The following KANSL1L variants were observed in gnomAD, a reference collection of about 807,000 sequenced individuals.
The protein encoded by KANSL1L is KAT8 regulatory NSL complex subunit 1 like, also known as KAT8 regulatory NSL complex subunit 1-like protein.
In KANSL1L, 25 loss-of-function variants were observed where a neutral mutation model predicts 108.6. The ratio of observed to expected loss-of-function variants is 0.23; its 90% CI spans 0.17 to 0.32. The LOEUF (loss-of-function observed/expected upper bound fraction) is 0.32, where lower values mean the gene tolerates loss of function less well. Among genes scored for constraint, KANSL1L ranks in the 10% least tolerant of loss-of-function variants. KANSL1L has a pLI of 1.00. For missense variants in KANSL1L, 1,137 were observed against 1,125.7 expected (o/e 1.01, Z -0.14); for synonymous variants, 405 against 395.1 (o/e 1.03, Z -0.30).
chr2:210,107,535 T>TATA (rs144902334), intron 3 of KANSL1L, among the ~76,000 whole-genome samples: 2 of 106,390 alleles, frequency 1.9e-5, no homozygotes, highest in African/African-American at 7.4e-5. Flanking sequence ...TATATATATA[T>TATA]TTTTTTTTTT....
intron 2 of KANSL1L, among the ~76,000 whole-genome samples, chr2:210,136,938 G>A (rs796610254): frequency 1.1e-4 from 17 of 152,248 alleles, no homozygotes; most frequent in African/African-American, 4.1e-4. Context: ...TTATTGTGAA[G>A]ATAGTGCCAG....
In KANSL1L at chr2:210,154,069, T is replaced by C; in HGVS notation, c.514A>G (p.Lys172Glu). ...AAAAGTGCATTCTCTTGATACCATT[T>C]ACAGTTTTGTAGTTGTACTTTATCT... is the stretch of plus-strand genomic sequence containing the variant. ...NVDKVQLQNC[K>E]WYQENALLDK... The change falls in exon 2 of 15, where the codon AAA (lysine) becomes GAA (glutamate). Residue 172 changes from lysine (K) to glutamate (E), a missense_variant. This residue lies in a region of KANSL1L where 556 missense variants were observed against 537.7 expected (regional missense o/e 1.03). Coordinates refer to ENST00000281772, the MANE Select transcript of KANSL1L (RefSeq NM_152519.4). The C allele has an allele frequency of 1.9e-6, 3 of 1,613,448 alleles. No individual in the cohort carries two copies. The highest frequency in any genetic ancestry group is 2.5e-6 in the Non-Finnish European group (3 of 1,179,496).
chr2:210,122,524 A>C (rs2095031138), intron 3 of KANSL1L, among the ~76,000 whole-genome samples: 1 of 152,186 alleles, frequency 6.6e-6, no homozygotes, highest in East Asian at 1.9e-4. Flanking sequence ...ACAAAAATCA[A>C]ATCAAAATAT....
At chr2:210,143,772 T>C (rs558430950) in intron 2 of KANSL1L, among the ~76,000 whole-genome samples, 124 of 152,302 alleles carry the variant, frequency 8.1e-4, no homozygotes, top group African/African-American at 2.9e-3. Context: ...GCTTTTGATA[T>C]CACAATTTAC....
chr2:210,121,779 GT>G (rs1433564761), intron 3 of KANSL1L, among the ~76,000 whole-genome samples: 3 of 152,154 alleles, frequency 2.0e-5, no homozygotes, highest in Non-Finnish European at 4.4e-5. Flanking sequence ...ATATGATCTT[GT>G]TTGGAAAAAT....
At chr2:210,036,906 G>A (rs1379141602) in intron 8 of KANSL1L, among the ~76,000 whole-genome samples, 2 of 151,764 alleles carry the variant, frequency 1.3e-5, no homozygotes, top group African/African-American at 4.8e-5. Context: ...ACAGGTGCAC[G>A]CCACCATGCC....
intron 6 of KANSL1L, among the ~76,000 whole-genome samples, chr2:210,059,086 T>C (rs2539013): frequency 1 from 149,391 of 149,576 alleles, 74,603 homozygotes; most frequent in Non-Finnish European, 1. Flanking sequence ...TGCAGTGACC[T>C]GAGACCACGT....
chr2:210,079,706 A>ATATATATATATGTATGTGTGTGTG (rs2094574583), intron 5 of KANSL1L: 4 of 125,090 alleles, frequency 3.2e-5, no homozygotes, highest in South Asian at 2.5e-4. Flanking sequence ...GTGTGTATAT[A>ATATATATATATGTATGTGTGTGTG]TATATATATA....
At chr2:210,169,484 T>C (rs914962600) in intron 1 of KANSL1L, among the ~76,000 whole-genome samples, 1 of 152,228 alleles carries the variant, frequency 6.6e-6, no homozygotes, top group African/African-American at 2.4e-5. Flanking sequence ...AAAATATTTA[T>C]AGTTTTCTTA....
chr2:210,096,572 G>A (rs1320835014), intron 5 of KANSL1L: 1 of 984,424 alleles, frequency 1.0e-6, no homozygotes, highest in Non-Finnish European at 1.2e-6. Context: ...GGTAAACAAA[G>A]TATTATCTAA....
rs1559583220 is a variant in KANSL1L, at chr2:210,129,015, C to T, written c.1230+16G>A. ...ACAATTTTTAACAAAAGTAGAAGAACACAGACAGACAATACCTTGGAGGCA... is the reference window on the plus strand; with the variant it reads ...ACAATTTTTAACAAAAGTAGAAGAATACAGACAGACAATACCTTGGAGGCA... On this transcript the variant is annotated intron_variant, in intron 3 of 14. Coordinates refer to ENST00000281772, the MANE Select transcript of KANSL1L (RefSeq NM_152519.4). 3.1e-6 allele frequency: 5 copies of T among 1,599,360 alleles called. No individual in the cohort carries two copies. Among genetic ancestry groups the T allele is most frequent in the South Asian group, 2.2e-5 (2 of 89,900 alleles).
chr2:210,156,407 T>A (rs959281788), intron 1 of KANSL1L, among the ~76,000 whole-genome samples: 2 of 152,038 alleles, frequency 1.3e-5, no homozygotes, highest in Non-Finnish European at 2.9e-5. Context: ...TGGCAAAACA[T>A]CCTTTCAAAA....
At chr2:210,100,363 A>G (rs1430896047) in intron 4 of KANSL1L, among the ~76,000 whole-genome samples, 1 of 152,182 alleles carries the variant, frequency 6.6e-6, no homozygotes, top group African/African-American at 2.4e-5. Flanking sequence ...AAGTACTAAA[A>G]ACAAGGTATT....
At chr2:210,062,294 T>G (rs749984861) in intron 6 of KANSL1L, among the ~76,000 whole-genome samples, 1 of 152,264 alleles carries the variant, frequency 6.6e-6, no homozygotes, top group South Asian at 2.1e-4. Flanking sequence ...TGTGCGGTGA[T>G]TGTGAGGCAT....
chr2:210,056,504 A>C (rs971707501), intron 6 of KANSL1L, among the ~76,000 whole-genome samples: 1 of 152,186 alleles, frequency 6.6e-6, no homozygotes, highest in East Asian at 1.9e-4. Flanking sequence ...TTTTTGAGAC[A>C]GAGTCTCGCT....
rs953672964 is a variant in KANSL1L, at chr2:210,022,354, C to T, written c.*595G>A. On this transcript the variant is annotated 3_prime_UTR_variant, in exon 15 of 15. Transcript: ENST00000281772. ...CTTCTGTCTCTATATTCAGGACGTT[C>T]AGATGTCTTTTATTAGTGGAAACCT... is the stretch of plus-strand genomic sequence containing the variant. 2 of 152,458 alleles carry T rather than the reference C, an allele frequency of 1.3e-5. No individual in the cohort carries two copies. The highest frequency in any genetic ancestry group is 1.3e-4 in the Admixed American group (2 of 15,238). The allele number at this position is 152,458 out of a possible 1,614,324, so 9.4% of individuals were successfully genotyped here. A position where few individuals can be genotyped will look rare whatever the true frequency, so the allele number is the denominator to read the frequency against.
chr2:210,142,119 AG>A (rs1001945162), intron 2 of KANSL1L, among the ~76,000 whole-genome samples: 3 of 151,558 alleles, frequency 2.0e-5, no homozygotes, highest in African/African-American at 4.8e-5. Flanking sequence ...GTTTGAGTAC[AG>A]TGAAGTCATC....
At chr2:210,123,105 A>G (rs1488576202) in intron 3 of KANSL1L, among the ~76,000 whole-genome samples, 1 of 152,104 alleles carries the variant, frequency 6.6e-6, no homozygotes, top group Non-Finnish European at 1.5e-5. Context: ...TATATTCCCA[A>G]CCACTTCAGA....
intron 1 of KANSL1L, among the ~76,000 whole-genome samples, chr2:210,163,288 T>C (rs1459342238): frequency 6.6e-6 from 1 of 151,986 alleles, no homozygotes; most frequent in Non-Finnish European, 1.5e-5. Flanking sequence ...AAATGACAGG[T>C]AATGTAAGAA....
Sources: gnomAD v4.1 joint callset for allele counts (sites outside exome capture counted in the v4.1 genomes callset) on GRCh38, gnomAD v4.1.1 for gene constraint, gnomAD v4.1.1 regional missense constraint, MANE v1.5 for transcripts, NCBI Gene and HGNC (gene_info 2026-07-23, HGNC 2026-07-21) for gene names.